The following EIF4EBP2 variants were observed in gnomAD, a reference collection of about 807,000 sequenced individuals.
EIF4EBP2 encodes eukaryotic translation initiation factor 4E binding protein 2.
In EIF4EBP2, 5 loss-of-function variants were observed where a neutral mutation model predicts 10.3. The ratio of observed to expected loss-of-function variants is 0.48; its 90% CI spans 0.25 to 1.02. The LOEUF is 1.02. Ranked by LOEUF, EIF4EBP2 falls within the 50% of genes least tolerant of loss-of-function variation. EIF4EBP2 has a pLI of 0.15. For synonymous variants in EIF4EBP2, 67 were observed against 61.1 expected, an observed-to-expected ratio of 1.10 and a Z score of -0.45; for missense variants, 188 against 162.2, an observed-to-expected ratio of 1.16 and a Z score of -0.86.
chr10:70,427,003 C>A lies in EIF4EBP2; in HGVS notation c.*5256C>A, dbSNP rs1294427677. ...GCTTAGCATGTTGGCAGCAATATCC[C>A]AGAGATTGAATCTGTTTGCATTTTC... On this transcript the variant is annotated 3_prime_UTR_variant, in exon 3 of 3. Transcript: ENST00000373218. The A allele has an allele frequency of 1.3e-5, 2 of 152,232 alleles. No homozygotes were observed. Among genetic ancestry groups the A allele is most frequent in the East Asian group, 1.9e-4 (1 of 5,196 alleles). The allele number at this position is 152,232 out of a possible 1,614,324, so 9.4% of individuals were successfully genotyped here. A position where few individuals can be genotyped will look rare whatever the true frequency, so the allele number is the denominator to read the frequency against.
At chr10:70,415,486 TGAAAAA>T (rs71472965) in intron 1 of EIF4EBP2, among the ~76,000 whole-genome samples, 34,588 of 151,680 alleles carry the variant, frequency 0.23, 4,175 homozygotes, top group Non-Finnish European at 0.27. Flanking sequence ...AGAACAATCT[TGAAAAA>T]GAAAAACTAA....
At chr10:70,407,770 G>A (rs113310113) in intron 1 of EIF4EBP2, among the ~76,000 whole-genome samples, 2 of 147,332 alleles carry the variant, frequency 1.4e-5, no homozygotes, top group African/African-American at 2.5e-5. Context: ...CGGCTGGCCG[G>A]GCAGAGGGGC....
intron 1 of EIF4EBP2, among the ~76,000 whole-genome samples, chr10:70,417,371 G>A (rs963256803): frequency 1.3e-5 from 2 of 151,640 alleles, no homozygotes; most frequent in Non-Finnish European, 1.5e-5. Flanking sequence ...CATCTAAGGG[G>A]TTGGGGGAGG....
chr10:70,420,430 A>G (rs1845143799), intron 2 of EIF4EBP2, among the ~76,000 whole-genome samples: 1 of 151,992 alleles, frequency 6.6e-6, no homozygotes, highest in Non-Finnish European at 1.5e-5. Flanking sequence ...TGAACTCCTG[A>G]CCTCAGGTGA....
chr10:70,421,198 C>G (rs930274336), intron 2 of EIF4EBP2, among the ~76,000 whole-genome samples: 1 of 152,128 alleles, frequency 6.6e-6, no homozygotes, highest in African/African-American at 2.4e-5. Context: ...CCTAAATTAC[C>G]CCTCCTCCAA....
Position 70,427,204 on chromosome 10 carries a change from C to A in EIF4EBP2, c.*5457C>A, listed in dbSNP as rs1025225565. The A allele has an allele frequency of 5.3e-5, 8 of 152,146 alleles. No homozygotes were observed. The highest frequency in any genetic ancestry group is 1.7e-4 in the African/African-American group (7 of 41,406). 9.4% of individuals were successfully genotyped at this position (152,146 alleles called of 1,614,324 possible). On this transcript the variant is annotated 3_prime_UTR_variant, in exon 3 of 3. Coordinates refer to ENST00000373218, the MANE Select transcript of EIF4EBP2 (RefSeq NM_004096.5). ...TTAATCTGCAAAACCTAGTCACTTA[C>A]CTACCCATAATATCTGGGAAGGTGT... is the stretch of plus-strand genomic sequence containing the variant.
intron 1 of EIF4EBP2, among the ~76,000 whole-genome samples, chr10:70,406,871 A>G (rs1844968968): frequency 6.6e-6 from 1 of 152,218 alleles, no homozygotes; most frequent in South Asian, 2.1e-4. Context: ...GGGAGAGCCC[A>G]TCATAATCTT....
chr10:70,404,324 C>T lies in EIF4EBP2; in HGVS notation c.-78C>T. 1 of 1,449,384 alleles carries T rather than the reference C, an allele frequency of 6.9e-7. No individual in the cohort carries two copies. Among genetic ancestry groups the T allele is most frequent in the Non-Finnish European group, 9.0e-7 (1 of 1,105,254 alleles). The allele number at this position is 1,449,384 out of a possible 1,614,324, so 89.8% of individuals were successfully genotyped here. On this transcript the variant is annotated 5_prime_UTR_variant, in exon 1 of 3. Coordinates refer to ENST00000373218, the MANE Select transcript of EIF4EBP2 (RefSeq NM_004096.5). The stretch of plus-strand genomic sequence containing the variant: ...CGCGCAGAGCGCGCTTTTCCGTCCG[C>T]CTGAGGAGCCGAAGCAGCCCCGGCC...
Position 70,412,489 on chromosome 10 carries a change from C to T in EIF4EBP2, c.146-7425C>T, listed in dbSNP as rs528477110. ...GGACTTTCTCTGTGTGGTTTAATTT[C>T]AGCTTACATAATTTCTTAACTATAT... is the stretch of plus-strand genomic sequence containing the variant. On this transcript the variant is annotated intron_variant, in intron 1 of 2. Transcript: ENST00000373218. 4.1e-4 allele frequency among the ~76,000 whole-genome samples: 62 copies of T among 152,244 alleles called. 1 individual carries two copies. In the Middle Eastern group the frequency reaches 0.024, roughly 58 times the overall value.
At chr10:70,407,046 C>T (rs1054250574) in intron 1 of EIF4EBP2, among the ~76,000 whole-genome samples, 1 of 152,064 alleles carries the variant, frequency 6.6e-6, no homozygotes, top group Admixed American at 6.5e-5. Context: ...TACAGGCGTC[C>T]ACCACCACGC....
At chr10:70,405,769 A>C (rs767786550) in intron 1 of EIF4EBP2, among the ~76,000 whole-genome samples, 26 of 152,038 alleles carry the variant, frequency 1.7e-4, no homozygotes, top group Non-Finnish European at 3.7e-4. Flanking sequence ...CCAAGGGATA[A>C]AATCTAGGAG....
At chr10:70,411,107 A>T (rs1845039493) in intron 1 of EIF4EBP2, among the ~76,000 whole-genome samples, 3 of 152,204 alleles carry the variant, frequency 2.0e-5, no homozygotes, top group Admixed American at 6.5e-5. Flanking sequence ...TTTTAATTGT[A>T]CAGCTCAGTG....
rs774923743 is a variant in EIF4EBP2 at position 70,404,512 on chromosome 10, G to C, written c.111G>C (p.Thr37=). The C allele has an allele frequency of 6.3e-7, 1 of 1,591,058 alleles. No individual in the cohort carries two copies. Among genetic ancestry groups the C allele is most frequent in the African/African-American group, 1.4e-5 (1 of 71,694 alleles). Residue 37 remains threonine (T), a synonymous_variant, in exon 1 of 3, where the codon ACG becomes ACC. Transcript: ENST00000373218. ...AAQLPHDYCT[T]PGGTLFSTTP... Reference sequence around the variant, plus strand: ...AGCTACCTCATGACTATTGCACCACGCCCGGGGGGACGCTCTTCTCCACCA... The same window carrying C: ...AGCTACCTCATGACTATTGCACCACCCCCGGGGGGACGCTCTTCTCCACCA...
intron 1 of EIF4EBP2, among the ~76,000 whole-genome samples, chr10:70,407,976 CG>C (rs1350680051): frequency 2.8e-5 from 2 of 72,684 alleles, no homozygotes; most frequent in Admixed American, 1.2e-4. Context: ...GCTGGCCGGG[CG>C]GGGGGCTGAC....
At chr10:70,418,096 G>A (rs1185741527) in intron 1 of EIF4EBP2, among the ~76,000 whole-genome samples, 1 of 152,224 alleles carries the variant, frequency 6.6e-6, no homozygotes, top group East Asian at 1.9e-4. Context: ...GTGCCTTTGG[G>A]AGTTAATTAG....
chr10:70,405,632 G>A (rs567513368), intron 1 of EIF4EBP2, among the ~76,000 whole-genome samples: 2 of 152,208 alleles, frequency 1.3e-5, no homozygotes, highest in Non-Finnish European at 2.9e-5. Context: ...AGGATTGCTA[G>A]CCTTGTTCCT....
rs147916533 is a variant in EIF4EBP2 at position 70,423,502 on chromosome 10, C to T, written c.*1755C>T. On this transcript the variant is annotated 3_prime_UTR_variant, in exon 3 of 3. Transcript: ENST00000373218. ...CCCCTCATAGAAAGACAAAAGCATC[C>T]ATCCCCTCATAGTTAAGTAGCCACT... The T allele has an allele frequency of 6.6e-6, 1 of 152,466 alleles. No homozygotes were observed. The highest frequency in any genetic ancestry group is 1.5e-5 in the Non-Finnish European group (1 of 68,038). 9.4% of individuals were successfully genotyped at this position (152,466 alleles called of 1,614,324 possible). A position where few individuals can be genotyped will look rare whatever the true frequency, so the allele number is the denominator to read the frequency against.
Position 70,423,186 on chromosome 10 carries a change from C to T in EIF4EBP2, c.*1439C>T, listed in dbSNP as rs1845175517. ...GAACAGCAACTTTTTAATTAAACAT[C>T]TTCCAGTGTTAGGAAGTTGAGAAAC... On this transcript the variant is annotated 3_prime_UTR_variant, in exon 3 of 3. Transcript: ENST00000373218. 1.3e-5 allele frequency: 2 copies of T among 152,616 alleles called. No homozygotes were observed. Among genetic ancestry groups the T allele is most frequent in the African/African-American group, 4.8e-5 (2 of 41,422 alleles). The allele number at this position is 152,616 out of a possible 1,614,324, so 9.5% of individuals were successfully genotyped here. A position where few individuals can be genotyped will look rare whatever the true frequency, so the allele number is the denominator to read the frequency against.
intron 1 of EIF4EBP2, among the ~76,000 whole-genome samples, chr10:70,406,387 G>A (rs994690729): frequency 8.5e-5 from 13 of 152,216 alleles, no homozygotes; most frequent in African/African-American, 3.1e-4. Flanking sequence ...TTTCCGAGGT[G>A]ATGGAAAGGG....
Sources: allele counts gnomAD v4.1 joint callset (sites outside exome capture counted in the v4.1 genomes callset), GRCh38; gene constraint gnomAD v4.1.1; transcripts MANE v1.5; gene names NCBI Gene and HGNC (gene_info 2026-07-23, HGNC 2026-07-21).